CSMD1: variants seen among roughly 807,000 people sequenced by gnomAD.
The protein encoded by CSMD1 is CUB and sushi domain-containing protein 1.
In CSMD1, 213 loss-of-function variants were observed where a neutral mutation model predicts 417.5. The observed-to-expected ratio is 0.51, with a 90% CI of 0.46 to 0.57. CSMD1 has a LOEUF of 0.57. Among genes scored for constraint, CSMD1 ranks in the 20% least tolerant of loss-of-function variants. CSMD1 has a pLI of 0.00. For synonymous variants in CSMD1, 2,862 were observed against 1,736.8 expected, an observed-to-expected ratio of 1.65 and a Z score of -16.11; for missense variants, 6,923 against 4,529.7, an observed-to-expected ratio of 1.53 and a Z score of -15.17.
At chr8:3,701,870 C>A (rs889272754) in intron 7 of CSMD1, among the ~76,000 whole-genome samples, 3 of 152,120 alleles carry the variant, frequency 2.0e-5, no homozygotes, top group Non-Finnish European at 2.9e-5. Context: ...GAGATGGAAC[C>A]ACTGTGTGTC....
chr8:4,045,985 A>G (rs80280464), intron 3 of CSMD1, among the ~76,000 whole-genome samples: 5,801 of 152,246 alleles, frequency 0.038, 346 homozygotes, highest in African/African-American at 0.12. Context: ...TGAAGTGGAT[A>G]TAATTCAAAA....
chr8:3,047,140 G>A (rs527307922), intron 50 of CSMD1, among the ~76,000 whole-genome samples: 2 of 151,214 alleles, frequency 1.3e-5, no homozygotes, highest in African/African-American at 4.9e-5. Flanking sequence ...CCCAGGAGGG[G>A]GAGGTTGCAG....
chr8:3,970,048 A>G (rs1563267156), intron 5 of CSMD1, among the ~76,000 whole-genome samples: 1 of 152,234 alleles, frequency 6.6e-6, no homozygotes, highest in African/African-American at 2.4e-5. Flanking sequence ...ATACTGAGCT[A>G]CCAAACTACT....
chr8:4,769,575 T>G (rs1385007609), intron 1 of CSMD1, among the ~76,000 whole-genome samples: 7 of 152,216 alleles, frequency 4.6e-5, no homozygotes, highest in African/African-American at 1.2e-4. Flanking sequence ...TTGCCAATGT[T>G]GCAAAATAAG....
intron 17 of CSMD1, among the ~76,000 whole-genome samples, chr8:3,393,189 G>T (rs760034924): frequency 6.6e-6 from 1 of 152,152 alleles, no homozygotes; most frequent in East Asian, 1.9e-4. Flanking sequence ...CCTTCTGGAA[G>T]TTCACTATAT....
intron 10 of CSMD1, among the ~76,000 whole-genome samples, chr8:3,526,521 A>G (rs930805243): frequency 6.6e-6 from 1 of 152,198 alleles, no homozygotes; most frequent in African/African-American, 2.4e-5. Flanking sequence ...AACACTCAAA[A>G]GCAAGCTCCC....
intron 5 of CSMD1, among the ~76,000 whole-genome samples, chr8:3,888,743 G>T (rs1464638426): frequency 1.3e-5 from 2 of 152,118 alleles, no homozygotes; most frequent in Non-Finnish European, 2.9e-5. Context: ...CAGTCTCTGG[G>T]ACAACAAACC....
chr8:4,058,067 G>A (rs1205920182), intron 3 of CSMD1, among the ~76,000 whole-genome samples: 1 of 152,076 alleles, frequency 6.6e-6, no homozygotes, highest in Non-Finnish European at 1.5e-5. Context: ...CCAATTCTGT[G>A]AAGGAACTCA....
intron 2 of CSMD1, among the ~76,000 whole-genome samples, chr8:4,468,952 A>AG (rs1554489707): frequency 6.6e-6 from 1 of 151,984 alleles, no homozygotes; most frequent in Admixed American, 6.5e-5. Flanking sequence ...CTCCTTACAG[A>AG]CCTTCAAGAG....
chr8:4,955,644 C>G (rs541437761), intron 1 of CSMD1, among the ~76,000 whole-genome samples: 1 of 151,934 alleles, frequency 6.6e-6, no homozygotes, highest in Non-Finnish European at 1.5e-5. Context: ...TTAATAGAGA[C>G]GGGCTTTCCC....
intron 3 of CSMD1, among the ~76,000 whole-genome samples, chr8:4,403,608 C>T (rs757725536): frequency 3.0e-4 from 46 of 152,256 alleles, no homozygotes; most frequent in Admixed American, 1.8e-3. Context: ...CCTAAGAACT[C>T]CCCCTTTTCA....
At chr8:4,517,281 G>C (rs1477222617) in intron 2 of CSMD1, among the ~76,000 whole-genome samples, 3 of 152,164 alleles carry the variant, frequency 2.0e-5, no homozygotes, top group Non-Finnish European at 4.4e-5. Context: ...CTAACGTAGT[G>C]ATAAAAGCTG....
intron 1 of CSMD1, among the ~76,000 whole-genome samples, chr8:4,644,624 G>C (rs1044890664): frequency 1.3e-5 from 2 of 152,106 alleles, no homozygotes; most frequent in East Asian, 3.8e-4. Flanking sequence ...GCCCAGGCTG[G>C]GCAGGAACCT....
chr8:3,940,089 G>A (rs1383264014), intron 5 of CSMD1, among the ~76,000 whole-genome samples: 5 of 152,150 alleles, frequency 3.3e-5, no homozygotes, highest in Middle Eastern at 3.4e-3. Flanking sequence ...ACTTATAAAT[G>A]CAGATACGCC....
rs561111947 is a variant in CSMD1, at chr8:3,981,377, A to C, written c.818+16526T>G. On this transcript the variant is annotated intron_variant, in intron 5 of 69. Transcript: ENST00000635120. Reference sequence around the variant, plus strand: ...GGAAGGGGGGTGAAGGATAAAAGACAACAAATATGGTGCAGTGTATACTGC... The same window carrying C: ...GGAAGGGGGGTGAAGGATAAAAGACCACAAATATGGTGCAGTGTATACTGC... Among the ~76,000 whole-genome samples the C allele has an allele frequency of 2.8e-4, 43 of 152,164 alleles. No individual in the cohort carries two copies. In the East Asian group the frequency reaches 6.8e-3, roughly 24 times the overall value.
chr8:4,193,522 A>C (rs60623643), intron 3 of CSMD1, among the ~76,000 whole-genome samples: 1,570 of 152,224 alleles, frequency 0.01, 46 homozygotes, highest in African/African-American at 0.036. Context: ...GATATTACCC[A>C]AGGACTGGCT....
At chr8:3,623,216 C>G (rs969898809) in intron 7 of CSMD1, among the ~76,000 whole-genome samples, 2 of 152,142 alleles carry the variant, frequency 1.3e-5, no homozygotes. Context: ...TTTTTCAAAG[C>G]ATGTTGATTT....
chr8:3,024,954 A>G (rs532407121), intron 51 of CSMD1, among the ~76,000 whole-genome samples: 32 of 150,876 alleles, frequency 2.1e-4, no homozygotes, highest in African/African-American at 6.8e-4. Context: ...CACGTGCCCT[A>G]AAACTGTGTA....
intron 1 of CSMD1, among the ~76,000 whole-genome samples, chr8:4,854,377 G>C (rs1801666174): frequency 6.6e-6 from 1 of 152,106 alleles, no homozygotes; most frequent in Non-Finnish European, 1.5e-5. Context: ...AAAGGATTTG[G>C]TTGTTTAGAA....
Sources: allele counts gnomAD v4.1 joint callset (sites outside exome capture counted in the v4.1 genomes callset), GRCh38; gene constraint gnomAD v4.1.1; transcripts MANE v1.5; gene names NCBI Gene and HGNC (gene_info 2026-07-23, HGNC 2026-07-21).